PARD3B: variants seen among roughly 807,000 people sequenced by gnomAD.
The protein encoded by PARD3B is partitioning defective 3 homolog B.
In PARD3B, 103 loss-of-function variants were observed where a neutral mutation model predicts 130.2. The ratio of observed to expected loss-of-function variants is 0.79; its 90% CI spans 0.67 to 0.93. The LOEUF is 0.93. PARD3B is among the 40% of genes least tolerant of loss of function. The pLI is 0.00. For missense variants in PARD3B, 1,609 were observed against 1,499.2 expected (o/e 1.07, Z -1.21); for synonymous variants, 583 against 553.2 (o/e 1.05, Z -0.76).
intron 18 of PARD3B, among the ~76,000 whole-genome samples, chr2:205,381,023 G>GATATATATAAAAAAT (rs1237137382): frequency 1.5e-5 from 1 of 64,958 alleles, no homozygotes; most frequent in Non-Finnish European, 2.4e-5. Flanking sequence ...GAATATATAT[G>GATATATATAAAAAAT]ATATATTATA....
chr2:204,904,544 C>G (rs13023775), intron 2 of PARD3B, among the ~76,000 whole-genome samples: 28,273 of 151,880 alleles, frequency 0.19, 3,380 homozygotes, highest in Non-Finnish European at 0.27. Context: ...CTACTATGTA[C>G]CTACAAAAAT....
In PARD3B at chr2:204,651,021, C is replaced by T. The variant is rs151087812; in HGVS notation, c.121-35160C>T. ...ATGATTCAGTCACCTCCCACCAGGT[C>T]TCTCCCCTGACATGGGATTACAATT... is the stretch of plus-strand genomic sequence containing the variant. On this transcript the variant is annotated intron_variant, in intron 1 of 22. Coordinates refer to ENST00000406610, the MANE Select transcript of PARD3B (RefSeq NM_001302769.2). Among the ~76,000 whole-genome samples, 205 of 152,286 alleles carry T rather than the reference C, an allele frequency of 1.3e-3. 1 individual carries two copies. Among genetic ancestry groups the T allele is most frequent in the Non-Finnish European group, 2.5e-3 (171 of 68,016 alleles).
chr2:204,918,629 C>CAAAA (rs549430207), intron 2 of PARD3B, among the ~76,000 whole-genome samples: 1 of 101,214 alleles, frequency 9.9e-6, no homozygotes, highest in Non-Finnish European at 1.9e-5. Flanking sequence ...GACTCCGTCT[C>CAAAA]AAAAAAAAAA....
rs193112284 is a variant in PARD3B at position 204,639,904 on chromosome 2, A to T, written c.121-46277A>T. Among the ~76,000 whole-genome samples the T allele has an allele frequency of 2.9e-3, 445 of 152,278 alleles. 1 individual carries two copies. Among genetic ancestry groups the T allele is most frequent in the African/African-American group, 9.5e-3 (394 of 41,552 alleles). On this transcript the variant is annotated intron_variant, in intron 1 of 22. Transcript: ENST00000406610. ...TGACATAGGAACACAGGCTATCTGA[A>T]TCCAGGGCCTGCAGTTGAACTCACA... is the stretch of plus-strand genomic sequence containing the variant.
chr2:204,677,534 G>A lies in PARD3B; in HGVS notation c.121-8647G>A, dbSNP rs546531862. Among the ~76,000 whole-genome samples, 1 of 152,210 alleles carries A rather than the reference G, an allele frequency of 6.6e-6. No homozygotes were observed. Among genetic ancestry groups the A allele is most frequent in the South Asian group, 2.1e-4 (1 of 4,822 alleles). On this transcript the variant is annotated intron_variant, in intron 1 of 22. Transcript: ENST00000406610. The surrounding 1 kb of genome is among the most constrained non-coding windows in gnomAD (Gnocchi z 4.1). ...GTATTTCCATCTCCTTAACCTTTGTGGTTACTGTCACATGGGTCATCTCCA... is the reference window on the plus strand; with the variant it reads ...GTATTTCCATCTCCTTAACCTTTGTAGTTACTGTCACATGGGTCATCTCCA...
At position 205,366,856 on chromosome 2, in the gene PARD3B, T is replaced by G. The variant is rs2044629485; in HGVS notation, c.2631-34157T>G. Among the ~76,000 whole-genome samples, 1 of 152,184 alleles carries G rather than the reference T, an allele frequency of 6.6e-6. No homozygotes were observed. Among genetic ancestry groups the G allele is most frequent in the South Asian group, 2.1e-4 (1 of 4,824 alleles). On this transcript the variant is annotated intron_variant, in intron 18 of 22. Coordinates refer to ENST00000406610, the MANE Select transcript of PARD3B (RefSeq NM_001302769.2). This position sits in a 1 kb window ranked among gnomAD's most constrained non-coding sequence, Gnocchi z 5.0. The stretch of plus-strand genomic sequence containing the variant: ...TGGTGATGCTGTACCGCCACAGGTG[T>G]CAGCAGCAATAACTGGGCCTAGCTT...
chr2:204,749,223 A>G (rs768047314), intron 2 of PARD3B, among the ~76,000 whole-genome samples: 2 of 152,120 alleles, frequency 1.3e-5, no homozygotes, highest in Non-Finnish European at 2.9e-5. Context: ...ATTAGTTACA[A>G]TGCTTTAAAG....
chr2:205,058,234 A>G (rs912550037), intron 4 of PARD3B, among the ~76,000 whole-genome samples: 3 of 152,026 alleles, frequency 2.0e-5, no homozygotes, highest in Middle Eastern at 3.4e-3. Flanking sequence ...ATTCTTAAGC[A>G]TCATCCATGT....
At chr2:204,834,903 C>T (rs1341148140) in intron 2 of PARD3B, among the ~76,000 whole-genome samples, 1 of 152,148 alleles carries the variant, frequency 6.6e-6, no homozygotes, top group East Asian at 1.9e-4. Context: ...CTGTTGATTG[C>T]AATAGTGTGA....
intron 2 of PARD3B, among the ~76,000 whole-genome samples, chr2:204,742,211 T>A (rs976674179): frequency 1.3e-5 from 2 of 152,226 alleles, no homozygotes; most frequent in Admixed American, 1.3e-4. Flanking sequence ...TAGCTTTATA[T>A]GTATAAAATA....
chr2:205,472,440 C>T (rs957152511), intron 20 of PARD3B, among the ~76,000 whole-genome samples: 1 of 152,012 alleles, frequency 6.6e-6, no homozygotes, highest in African/African-American at 2.4e-5. Context: ...TTTTAGAGTA[C>T]ATAGGGGCCA....
In PARD3B at chr2:205,581,257, T is replaced by TAGATATAGATAGATATAG. The variant is rs143823405; in HGVS notation, c.3260+27855_3260+27856insGATATAGATAGATATAGA. Among the ~76,000 whole-genome samples, 624 of 120,828 alleles carry TAGATATAGATAGATATAG rather than the reference T, an allele frequency of 5.2e-3. 6 individuals are homozygous for TAGATATAGATAGATATAG. Among genetic ancestry groups the TAGATATAGATAGATATAG allele is most frequent in the Admixed American group, 0.01 (126 of 12,530 alleles). 79.3% of individuals were successfully genotyped at this position (120,828 alleles called of 152,430 possible). A position where few individuals can be genotyped will look rare whatever the true frequency, so the allele number is the denominator to read the frequency against. On this transcript the variant is annotated intron_variant, in intron 22 of 22. Coordinates refer to ENST00000406610, the MANE Select transcript of PARD3B (RefSeq NM_001302769.2). The stretch of plus-strand genomic sequence containing the variant: ...ATATATATAGATATATATAGATATA[T>TAGATATAGATAGATATAG]ATAGATATAGATAGATAGATATAGA...
chr2:205,220,953 C>G (rs1486340331), intron 15 of PARD3B, among the ~76,000 whole-genome samples: 1 of 152,198 alleles, frequency 6.6e-6, no homozygotes, highest in African/African-American at 2.4e-5. Flanking sequence ...CTGCTGCACT[C>G]AGCCCAGGCA....
chr2:205,062,041 T>C (rs1388891335), intron 4 of PARD3B, among the ~76,000 whole-genome samples: 2 of 152,042 alleles, frequency 1.3e-5, no homozygotes, highest in Admixed American at 6.6e-5. Flanking sequence ...CCTTGTACGC[T>C]TCTCTAATTT....
chr2:205,414,889 G>A (rs1012681760), intron 19 of PARD3B, among the ~76,000 whole-genome samples: 2 of 151,952 alleles, frequency 1.3e-5, no homozygotes, highest in African/African-American at 4.8e-5. Context: ...TTAAAAAAAA[G>A]TAAAATTTTA....
intron 19 of PARD3B, among the ~76,000 whole-genome samples, chr2:205,414,590 A>T (rs923674135): frequency 1.3e-5 from 2 of 152,132 alleles, no homozygotes; most frequent in African/African-American, 4.8e-5. Context: ...TAAAGAACAA[A>T]TGAGTAGATG....
intron 21 of PARD3B, among the ~76,000 whole-genome samples, chr2:205,538,460 G>T (rs1239445750): frequency 7.6e-6 from 1 of 130,820 alleles, no homozygotes; most frequent in Non-Finnish European, 1.7e-5. Context: ...CAATAAGATG[G>T]TCACGTGTGT....
At chr2:204,577,038 G>A (rs1382251622) in intron 1 of PARD3B, among the ~76,000 whole-genome samples, 1 of 152,078 alleles carries the variant, frequency 6.6e-6, no homozygotes, top group Non-Finnish European at 1.5e-5. Context: ...TTTTCTTGGG[G>A]GGGGATGGGA....
chr2:205,280,785 A>C lies in PARD3B; in HGVS notation c.2186-19745A>C, dbSNP rs955672131. Reference sequence around the variant, plus strand: ...GGGTAGAATTTGTTGAGGCCTAAAGAAGTAAGCTCTTGATGGATGGGGAAC... The same window carrying C: ...GGGTAGAATTTGTTGAGGCCTAAAGCAGTAAGCTCTTGATGGATGGGGAAC... On this transcript the variant is annotated intron_variant, in intron 16 of 22. Transcript: ENST00000406610. This position sits in a 1 kb window ranked among gnomAD's most constrained non-coding sequence, Gnocchi z 4.7. Among the ~76,000 whole-genome samples the C allele has an allele frequency of 3.9e-5, 6 of 152,214 alleles. No homozygotes were observed. The highest frequency in any genetic ancestry group is 8.8e-5 in the Non-Finnish European group (6 of 68,032).
Sources: gnomAD v4.1 joint callset for allele counts (sites outside exome capture counted in the v4.1 genomes callset) on GRCh38, gnomAD v4.1.1 for gene constraint, Gnocchi (gnomAD v3.1) non-coding constraint, MANE v1.5 for transcripts, NCBI Gene and HGNC (gene_info 2026-07-23, HGNC 2026-07-21) for gene names.